Variants in CSMD1 observed in about 807,000 individuals in gnomAD.
The protein encoded by CSMD1 is CUB and sushi domain-containing protein 1.
Under a neutral mutation model 417.5 loss-of-function variants are expected in CSMD1, and 213 were observed. The observed-to-expected ratio is 0.51, with a 90% CI of 0.46 to 0.57. The LOEUF (loss-of-function observed/expected upper bound fraction) is 0.57, where lower values mean the gene tolerates loss of function less well. Ranked by LOEUF, CSMD1 falls within the 20% of genes least tolerant of loss-of-function variation. The probability of loss-of-function intolerance (pLI) is 0.00; values close to 1 mark genes in which losing one functional copy is unlikely to be tolerated. For missense variants in CSMD1, 6,923 were observed against 4,529.7 expected, an observed-to-expected ratio of 1.53 and a Z score of -15.17; for synonymous variants, 2,862 against 1,736.8, an observed-to-expected ratio of 1.65 and a Z score of -16.11.
intron 2 of CSMD1, among the ~76,000 whole-genome samples, chr8:4,425,644 C>G (rs1028797738): frequency 1.3e-5 from 2 of 151,686 alleles, no homozygotes; most frequent in African/African-American, 4.9e-5. Flanking sequence ...ACATTTTATT[C>G]TTGTCTGCCT....
At chr8:3,994,830 C>T (rs1392144221) in intron 5 of CSMD1, among the ~76,000 whole-genome samples, 2 of 152,172 alleles carry the variant, frequency 1.3e-5, no homozygotes, top group African/African-American at 2.4e-5. Context: ...AAGGCTAATC[C>T]TATTATTGTT....
chr8:4,165,371 A>G (rs934834768), intron 3 of CSMD1, among the ~76,000 whole-genome samples: 6 of 152,288 alleles, frequency 3.9e-5, no homozygotes, highest in African/African-American at 1.4e-4. Flanking sequence ...CTCTAAAACA[A>G]CTCTTACTAA....
chr8:3,915,877 T>A (rs539168371), intron 5 of CSMD1, among the ~76,000 whole-genome samples: 2 of 150,006 alleles, frequency 1.3e-5, no homozygotes, highest in African/African-American at 4.9e-5. Context: ...TGTTTTTGAA[T>A]AACAAGGAAA....
intron 3 of CSMD1, among the ~76,000 whole-genome samples, chr8:4,223,038 C>G (rs377212862): frequency 6.6e-6 from 1 of 152,018 alleles, no homozygotes; most frequent in Non-Finnish European, 1.5e-5. Context: ...GAACTGACAA[C>G]AGGCTTCCTA....
intron 5 of CSMD1, among the ~76,000 whole-genome samples, chr8:3,992,365 A>C (rs1379810361): frequency 1.3e-5 from 2 of 152,170 alleles, no homozygotes; most frequent in African/African-American, 4.8e-5. Flanking sequence ...TTCCCGTTAA[A>C]CCAGCACAAG....
At chr8:3,116,586 C>T (rs1384035723) in intron 42 of CSMD1, among the ~76,000 whole-genome samples, 1 of 152,102 alleles carries the variant, frequency 6.6e-6, no homozygotes, top group African/African-American at 2.4e-5. Flanking sequence ...GTGTTATATA[C>T]CATGTTAGAA....
chr8:4,755,585 A>G (rs1387753424), intron 1 of CSMD1, among the ~76,000 whole-genome samples: 1 of 152,130 alleles, frequency 6.6e-6, no homozygotes, highest in Non-Finnish European at 1.5e-5. Context: ...TTCTACTGTC[A>G]CGTTGATTTT....
intron 2 of CSMD1, among the ~76,000 whole-genome samples, chr8:4,504,905 C>T (rs1290241683): frequency 6.6e-6 from 1 of 152,064 alleles, no homozygotes; most frequent in African/African-American, 2.4e-5. Context: ...GGGTTGGTTC[C>T]AAGTCTTTGT....
intron 11 of CSMD1, among the ~76,000 whole-genome samples, chr8:3,488,564 T>A (rs1386203612): frequency 2.0e-5 from 3 of 152,222 alleles, no homozygotes; most frequent in Admixed American, 6.5e-5. Flanking sequence ...CTGCTAATTA[T>A]ATGAAATGTA....
intron 4 of CSMD1, among the ~76,000 whole-genome samples, chr8:4,001,067 A>C (rs906514169): frequency 6.6e-6 from 1 of 151,584 alleles, no homozygotes; most frequent in Non-Finnish European, 1.5e-5. Flanking sequence ...GAAAAAAAAA[A>C]CTGACATCAA....
At chr8:4,108,890 C>G (rs1426061780) in intron 3 of CSMD1, among the ~76,000 whole-genome samples, 1 of 152,158 alleles carries the variant, frequency 6.6e-6, no homozygotes, top group African/African-American at 2.4e-5. Flanking sequence ...TTAGTGGAAA[C>G]AGCCAGAAAT....
chr8:3,493,153 G>T (rs1227530334), intron 11 of CSMD1, among the ~76,000 whole-genome samples: 4 of 151,890 alleles, frequency 2.6e-5, no homozygotes, highest in Non-Finnish European at 5.9e-5. Context: ...AATTAGCCTG[G>T]CATGATGGCA....
chr8:3,137,595 T>C (rs995190333), intron 41 of CSMD1, among the ~76,000 whole-genome samples: 1 of 152,220 alleles, frequency 6.6e-6, no homozygotes, highest in African/African-American at 2.4e-5. Flanking sequence ...ACAGGAGGAA[T>C]ATAAAATAAT....
chr8:4,830,061 C>T (rs190475761), intron 1 of CSMD1, among the ~76,000 whole-genome samples: 6 of 152,278 alleles, frequency 3.9e-5, no homozygotes, highest in African/African-American at 9.6e-5. Flanking sequence ...TACCTGTGCA[C>T]GTCCTGCCTA....
rs140426077 is a variant in CSMD1, at chr8:4,136,461, T to G, written c.416-104362A>C. 1.6e-3 allele frequency among the ~76,000 whole-genome samples: 242 copies of G among 152,250 alleles called. 1 individual carries two copies. The East Asian group carries it at 0.04, about 25-fold the overall frequency. On this transcript the variant is annotated intron_variant, in intron 3 of 69. Coordinates refer to ENST00000635120, the MANE Select transcript of CSMD1 (RefSeq NM_033225.6). The stretch of plus-strand genomic sequence containing the variant: ...GCATCCCTTTTGAAAAATGCCTCTG[T>G]GTGTTAGCAAACCAAAGAACTGGAT...
chr8:4,040,289 T>C (rs1044624161), intron 3 of CSMD1, among the ~76,000 whole-genome samples: 11 of 152,214 alleles, frequency 7.2e-5, no homozygotes, highest in African/African-American at 2.7e-4. Flanking sequence ...ACACACTATG[T>C]GCTAGACACT....
intron 2 of CSMD1, among the ~76,000 whole-genome samples, chr8:4,553,161 C>G (rs963382464): frequency 6.6e-6 from 1 of 152,198 alleles, no homozygotes; most frequent in African/African-American, 2.4e-5. Context: ...TTGCTTTGTA[C>G]GTTTTCAGTT....
rs564461229 is a variant in CSMD1, at chr8:3,338,375, A to G, written c.3631+4919T>C. ...AGGGCAGTAGACCCTGACCAAGTACATAAATAAAATAATGGAAATTGTGTA... is the reference window on the plus strand; with the variant it reads ...AGGGCAGTAGACCCTGACCAAGTACGTAAATAAAATAATGGAAATTGTGTA... On this transcript the variant is annotated intron_variant, in intron 23 of 69. Coordinates refer to ENST00000635120, the MANE Select transcript of CSMD1 (RefSeq NM_033225.6). Among the ~76,000 whole-genome samples the G allele has an allele frequency of 3.6e-4, 55 of 152,352 alleles. No individual in the cohort carries two copies. In the South Asian group the frequency reaches 0.011, roughly 30 times the overall value.
At chr8:3,862,710 A>T (rs1223355475) in intron 5 of CSMD1, among the ~76,000 whole-genome samples, 4 of 152,190 alleles carry the variant, frequency 2.6e-5, no homozygotes, top group African/African-American at 4.8e-5. Context: ...AATGATCTCC[A>T]AAACAACTGA....
Sources: gnomAD v4.1 joint callset for allele counts (sites outside exome capture counted in the v4.1 genomes callset) on GRCh38, gnomAD v4.1.1 for gene constraint, MANE v1.5 for transcripts, NCBI Gene and HGNC (gene_info 2026-07-23, HGNC 2026-07-21) for gene names.